Variants in SF3B2 observed in about 807,000 individuals in gnomAD.
SF3B2 encodes splicing factor 3b subunit 2.
In SF3B2, 22 loss-of-function variants were observed where a neutral mutation model predicts 116.3. The observed-to-expected ratio is 0.19, with a 90% CI of 0.14 to 0.27. SF3B2 has a LOEUF of 0.27. Among genes scored for constraint, SF3B2 ranks in the 10% least tolerant of loss-of-function variants. The probability of loss-of-function intolerance (pLI) is 1.00; values close to 1 mark genes in which losing one functional copy is unlikely to be tolerated. For synonymous variants in SF3B2, 406 were observed against 421.6 expected (o/e 0.96, Z 0.45); for missense variants, 767 against 1,151.4 (o/e 0.67, Z 4.83).
chr11:66,052,540 G>C (rs748883807), intron 1 of SF3B2, 23 bp downstream of exon 1: 1 of 1,603,128 alleles, frequency 6.2e-7, no homozygotes, highest in South Asian at 1.1e-5. Context: ...GGAAGTCGAG[G>C]GGCCTTTACG....
intron 18 of SF3B2, 27 bp downstream of exon 18, chr11:66,063,569 G>T: frequency 6.2e-7 from 1 of 1,611,432 alleles, no homozygotes; most frequent in Non-Finnish European, 8.5e-7. Flanking sequence ...ATGCCTCTTG[G>T]AAGTGGGCTA....
chr11:66,068,226 C>T lies in SF3B2; in HGVS notation c.2509C>T (p.Pro837Ser). ...ALAPEELELDPMAMTQKYEEH... is the reference protein window; with the variant it reads ...ALAPEELELDSMAMTQKYEEH... ...GGCGCCTGAAGAGTTGGAGCTGGAT[C>T]CTATGGCCATGACCCAGAAGTATGA... The change falls in exon 21 of 22, where the codon CCT becomes TCT. Residue 837 changes from proline to serine, a missense_variant. Around this residue, in one of 4 missense-constraint regions of SF3B2, gnomAD observed 282 missense variants for 568.0 expected, o/e 0.50. Transcript: ENST00000322535. 8 of 1,614,218 alleles carry T rather than the reference C, an allele frequency of 5.0e-6. No individual in the cohort carries two copies. The highest frequency in any genetic ancestry group is 6.8e-6 in the Non-Finnish European group (8 of 1,180,046).
In SF3B2 at chr11:66,058,041, G is replaced by C; in HGVS notation, c.778-13G>C. On this transcript the variant is annotated splice_polypyrimidine_tract_variant and intron_variant, in intron 7 of 21. Coordinates refer to ENST00000322535, the MANE Select transcript of SF3B2 (RefSeq NM_006842.3). ...ACTGTGATTTGCCTTCTCTGACTGG[G>C]TGTCTCTGGCAGATGGATGACCCCT... 1.9e-6 allele frequency: 3 copies of C among 1,586,640 alleles called. No homozygotes were observed. The highest frequency in any genetic ancestry group is 2.6e-6 in the Non-Finnish European group (3 of 1,165,542).
chr11:66,059,722 A>G lies in SF3B2; in HGVS notation c.1402-60A>G. On this transcript the variant is annotated intron_variant, in intron 12 of 21. Transcript: ENST00000322535. This position sits in a 1 kb window ranked among gnomAD's most constrained non-coding sequence, Gnocchi z 5.0. Reference sequence around the variant, plus strand: ...TTGGGTTTGGGTCCTTTGAGGAAGAAGAGCTTCAGAACTGAGAAGTCGGGG... The same window carrying G: ...TTGGGTTTGGGTCCTTTGAGGAAGAGGAGCTTCAGAACTGAGAAGTCGGGG... 1 of 1,602,956 alleles carries G rather than the reference A, an allele frequency of 6.2e-7. No homozygotes were observed. The highest frequency in any genetic ancestry group is 1.1e-5 in the South Asian group (1 of 90,852).
At chr11:66,060,815 A>C in intron 14 of SF3B2, 84 bp downstream of exon 14, 1 of 1,436,618 alleles carries the variant, frequency 7.0e-7, no homozygotes, top group South Asian at 1.2e-5. Context: ...TGTTTGTTTA[A>C]AAAAGATGGA....
At chr11:66,052,743 AG>A in intron 2 of SF3B2, 24 bp downstream of exon 2, 2 of 1,546,514 alleles carry the variant, frequency 1.3e-6, no homozygotes, top group East Asian at 2.3e-5. Context: ...GCGGGACGTC[AG>A]GATAGGCCGA....
intron 16 of SF3B2, 21 bp downstream of exon 16, chr11:66,062,019 C>A: frequency 1.3e-6 from 2 of 1,557,262 alleles, no homozygotes; most frequent in South Asian, 1.2e-5. Flanking sequence ...TCCTTTCGTT[C>A]ATTCTTGGCC....
At position 66,059,309 on chromosome 11, in the gene SF3B2, A is replaced by G. The variant is rs909941347; in HGVS notation, c.1291A>G (p.Ser431Gly). The change falls in exon 11 of 22, where the codon AGT becomes GGT. Residue 431 changes from serine to glycine, a missense_variant. Transcript: ENST00000322535. This position sits in a 1 kb window ranked among gnomAD's most constrained non-coding sequence, Gnocchi z 5.0. ...GGGATTTGAAGAGGAGCACAAGGAC[A>G]GTGATGATGACAGCAGTGATGACGA... is the stretch of plus-strand genomic sequence containing the variant. ...KKGFEEEHKD[S>G]DDDSSDDEQE... The G allele has an allele frequency of 6.2e-7, 1 of 1,614,020 alleles. No homozygotes were observed. Among genetic ancestry groups the G allele is most frequent in the Non-Finnish European group, 8.5e-7 (1 of 1,179,974 alleles).
chr11:66,068,448 T>G, intron 21 of SF3B2, 115 bp downstream of exon 21: 1 of 1,119,278 alleles, frequency 8.9e-7, no homozygotes, highest in Non-Finnish European at 1.3e-6. Flanking sequence ...CTTGCTGCTC[T>G]GTGCTTCCTT....
At chr11:66,064,831 A>C (rs1386304712) in intron 19 of SF3B2, 1 of 152,246 alleles carries the variant, frequency 6.6e-6, no homozygotes, top group Non-Finnish European at 1.5e-5. Flanking sequence ...AATATTAAAA[A>C]AACATTTCTT....
intron 19 of SF3B2, chr11:66,065,666 T>A (rs1047827095): frequency 6.6e-6 from 1 of 152,118 alleles, no homozygotes; most frequent in African/African-American, 2.4e-5. Context: ...AAGAAATTCT[T>A]CTCTCTTTGT....
Position 66,068,909 on chromosome 11 carries a change from ACTCCTGAGC to A in SF3B2, c.*169_*177del. The A allele has an allele frequency of 1.6e-6, 1 of 610,048 alleles. No individual in the cohort carries two copies. The highest frequency in any genetic ancestry group is 2.0e-5 in the South Asian group (1 of 49,188). The allele number at this position is 610,048 out of a possible 1,614,324, so 37.8% of individuals were successfully genotyped here. On this transcript the variant is annotated 3_prime_UTR_variant, in exon 22 of 22. Transcript: ENST00000322535. ...CCAAGGAAAGAGATGAATATTTAAC[ACTCCTGAGC>A]CTCCCTCATCTCCTTTTAGCCCCTT... is the stretch of plus-strand genomic sequence containing the variant.
rs774343605 is a variant in SF3B2, at chr11:66,063,776, TTGGC to T, written c.2330+58_2330+61del. 6 of 1,451,184 alleles carry T rather than the reference TTGGC, an allele frequency of 4.1e-6. 1 individual carries two copies. The highest frequency in any genetic ancestry group is 3.9e-5 in the South Asian group (3 of 76,476). The allele number at this position is 1,451,184 out of a possible 1,614,324, so 89.9% of individuals were successfully genotyped here. A position where few individuals can be genotyped will look rare whatever the true frequency, so the allele number is the denominator to read the frequency against. On this transcript the variant is annotated intron_variant, in intron 19 of 21. Coordinates refer to ENST00000322535, the MANE Select transcript of SF3B2 (RefSeq NM_006842.3). ...GAGAGGGGAGGACCTTCACTTCCCTTTGGCTGGCTGGCTGACTGTTGTTCCTTTC... is the reference window on the plus strand; with the variant it reads ...GAGAGGGGAGGACCTTCACTTCCCTTTGGCTGGCTGACTGTTGTTCCTTTC...
intron 3 of SF3B2, chr11:66,053,389 C>T (rs1371125458): frequency 8.9e-6 from 4 of 450,312 alleles, no homozygotes; most frequent in African/African-American, 2.0e-5. Flanking sequence ...TCTCCAAAAG[C>T]AGCTTGTGGC....
chr11:66,062,974 T>G, intron 16 of SF3B2, 35 bp from the exon 17 acceptor site: 1 of 1,447,484 alleles, frequency 6.9e-7, no homozygotes, highest in Non-Finnish European at 9.6e-7. Context: ...CTTTTGCAGC[T>G]AAGGAGTGAA....
rs564679558 is a variant in SF3B2 at position 66,067,605 on chromosome 11, G to C, written c.2331-341G>C. 329 of 471,104 alleles carry C rather than the reference G, an allele frequency of 7.0e-4. 1 individual carries two copies. Among genetic ancestry groups the C allele is most frequent in the Non-Finnish European group, 2.6e-4 (61 of 236,890 alleles). 29.2% of individuals were successfully genotyped at this position (471,104 alleles called of 1,614,324 possible). On this transcript the variant is annotated intron_variant, in intron 19 of 21. Coordinates refer to ENST00000322535, the MANE Select transcript of SF3B2 (RefSeq NM_006842.3). Reference sequence around the variant, plus strand: ...CATTCTTCGGGTGGGAACTGTTGTCGCCTGCTCTATCTTGCCAGCTTCTCT... The same window carrying C: ...CATTCTTCGGGTGGGAACTGTTGTCCCCTGCTCTATCTTGCCAGCTTCTCT...
Position 66,059,326 on chromosome 11 carries a change from T to C in SF3B2, c.1308T>C (p.Ser436=), listed in dbSNP as rs1241632643. 1.2e-6 allele frequency: 2 copies of C among 1,613,692 alleles called. No homozygotes were observed. The highest frequency in any genetic ancestry group is 2.2e-5 in the South Asian group (2 of 91,034). ...ACAAGGACAGTGATGATGACAGCAG[T>C]GATGACGAGCAGGTCAGGCCCAGCC... ...EEHKDSDDDS[S]DDEQEKKPEA... is the part of the protein sequence containing the mutation. The change falls in exon 11 of 22, where the codon AGT becomes AGC. Residue 436 remains serine (S), a synonymous_variant. Transcript: ENST00000322535. This position sits in a 1 kb window ranked among gnomAD's most constrained non-coding sequence, Gnocchi z 5.0.
intron 20 of SF3B2, 22 bp downstream of exon 20, chr11:66,068,067 C>T (rs777536352): frequency 2.7e-4 from 435 of 1,612,668 alleles, no homozygotes; most frequent in Non-Finnish European, 3.5e-4. Context: ...GAGGATACTG[C>T]TTTTGGAGGC....
Position 66,053,030 on chromosome 11 carries a change from G to A in SF3B2, c.184G>A (p.Gly62Ser), listed in dbSNP as rs775490572. The stretch of plus-strand genomic sequence containing the variant: ...TAGAGTCCTTTCTCTTTTGCAGACT[G>A]GCATCGTGCTGAATCGGCCGGTTTT... ...ERLQSYTRQT[G>S]IVLNRPVLRG... is the part of the protein sequence containing the mutation. Residue 62 changes from glycine (G) to serine (S), a missense_variant, in exon 3 of 22, where the codon GGC (glycine) becomes AGC (serine). Physicochemically the swap from Gly to Ser is moderately conservative, Grantham distance 56 (BLOSUM62 0). Around this residue, in one of 4 missense-constraint regions of SF3B2, gnomAD observed 455 missense variants for 537.5 expected, o/e 0.85. Coordinates refer to ENST00000322535, the MANE Select transcript of SF3B2 (RefSeq NM_006842.3). 6.2e-7 allele frequency: 1 copy of A among 1,614,118 alleles called. No homozygotes were observed. The highest frequency in any genetic ancestry group is 8.5e-7 in the Non-Finnish European group (1 of 1,179,990).
Sources: gnomAD v4.1 joint callset for allele counts on GRCh38, gnomAD v4.1.1 for gene constraint, gnomAD v4.1.1 regional missense constraint, Gnocchi (gnomAD v3.1) non-coding constraint, MANE v1.5 for transcripts, NCBI Gene and HGNC (gene_info 2026-07-23, HGNC 2026-07-21) for gene names.